Variants in ARHGAP18 observed in about 807,000 individuals in gnomAD.
ARHGAP18 encodes rho GTPase-activating protein 18.
A neutral mutation model predicts 86.2 loss-of-function variants in ARHGAP18; 67 were observed. The observed-to-expected ratio is 0.78, with a 90% CI of 0.64 to 0.95. The LOEUF (loss-of-function observed/expected upper bound fraction) is 0.95. Among genes scored for constraint, ARHGAP18 ranks in the 40% least tolerant of loss-of-function variants. ARHGAP18 has a pLI of 0.00. For synonymous variants in ARHGAP18, 283 were observed against 280.4 expected (o/e 1.01, Z -0.09); for missense variants, 691 against 780.4 (o/e 0.89, Z 1.37).
intron 7 of ARHGAP18, among the ~76,000 whole-genome samples, chr6:129,613,420 C>T (rs1443847544): frequency 6.6e-6 from 1 of 152,056 alleles, no homozygotes; most frequent in Non-Finnish European, 1.5e-5. Context: ...AGCCAATTTT[C>T]ATTTTATTTG....
chr6:129,639,096 A>G (rs554992997), intron 2 of ARHGAP18, among the ~76,000 whole-genome samples: 2 of 152,338 alleles, frequency 1.3e-5, no homozygotes, highest in East Asian at 3.9e-4. Context: ...AGTGCAGCAA[A>G]GAAGTTAACA....
intron 1 of ARHGAP18, among the ~76,000 whole-genome samples, chr6:129,655,317 C>CAAAAAAAAAAAAAA (rs55681217): frequency 8.0e-5 from 6 of 75,086 alleles, no homozygotes; most frequent in Admixed American, 1.7e-4. Context: ...AAAACTCTCT[C>CAAAAAAAAAAAAAA]AAAAAAAAAA....
chr6:129,580,731 C>T (rs1166741149), intron 13 of ARHGAP18, among the ~76,000 whole-genome samples: 8 of 151,988 alleles, frequency 5.3e-5, no homozygotes, highest in African/African-American at 1.5e-4. Context: ...AAAATTTAGC[C>T]GTGCATGGTG....
At chr6:129,666,901 T>G (rs1226368710) in intron 1 of ARHGAP18, among the ~76,000 whole-genome samples, 2 of 152,336 alleles carry the variant, frequency 1.3e-5, no homozygotes, top group East Asian at 1.9e-4. Flanking sequence ...TCCTATTCTT[T>G]GTTGATGCTT....
chr6:129,640,065 C>CAAA (rs1243715104), intron 2 of ARHGAP18, among the ~76,000 whole-genome samples: 1 of 108,472 alleles, frequency 9.2e-6, no homozygotes, highest in Non-Finnish European at 1.9e-5. Flanking sequence ...AAAAAAAAAA[C>CAAA]AAACAAAAGT....
At chr6:129,704,518 T>C (rs1774773130) in intron 1 of ARHGAP18, among the ~76,000 whole-genome samples, 1 of 151,988 alleles carries the variant, frequency 6.6e-6, no homozygotes, top group Non-Finnish European at 1.5e-5. Context: ...CTTATGCCCC[T>C]CTGCAAGTCC....
intron 4 of ARHGAP18, among the ~76,000 whole-genome samples, chr6:129,631,127 T>C (rs1264930617): frequency 6.6e-6 from 1 of 152,206 alleles, no homozygotes; most frequent in Non-Finnish European, 1.5e-5. Flanking sequence ...TTACTGTGAC[T>C]ATGTACACTG....
At chr6:129,625,941 T>C (rs1338933533) in intron 5 of ARHGAP18, among the ~76,000 whole-genome samples, 1 of 29,652 alleles carries the variant, frequency 3.4e-5, no homozygotes, top group Non-Finnish European at 8.7e-5. Context: ...TATTATATAT[T>C]ATATATTTAT....
chr6:129,692,720 A>G (rs531055552), intron 1 of ARHGAP18, among the ~76,000 whole-genome samples: 31 of 152,256 alleles, frequency 2.0e-4, no homozygotes, highest in African/African-American at 7.0e-4. Flanking sequence ...CTATTTATAA[A>G]ACAGGTCTAG....
intron 8 of ARHGAP18, among the ~76,000 whole-genome samples, chr6:129,610,126 G>T (rs1330889455): frequency 6.6e-6 from 1 of 152,172 alleles, no homozygotes; most frequent in African/African-American, 2.4e-5. Flanking sequence ...TGTGGGCAGT[G>T]GTTACTTGTG....
At chr6:129,702,020 T>C (rs1774719019) in intron 1 of ARHGAP18, among the ~76,000 whole-genome samples, 2 of 152,322 alleles carry the variant, frequency 1.3e-5, no homozygotes, top group South Asian at 2.1e-4. Flanking sequence ...CTCCTTTCCC[T>C]ATGACCCAGA....
intron 12 of ARHGAP18, 98 bp downstream of exon 12, chr6:129,599,118 T>C: frequency 9.8e-7 from 1 of 1,017,698 alleles, no homozygotes; most frequent in Non-Finnish European, 1.3e-6. Flanking sequence ...GCCTAATAAG[T>C]GGCAGAAAGT....
rs1584085253 is a variant in ARHGAP18, at chr6:129,646,642, G to A, written c.114-4624C>T. ...ATTTTTCAAATAAAAATAGTGAGAT[G>A]AGTAGCACTGTTTTATATTTTTGAA... On this transcript the variant is annotated intron_variant, in intron 1 of 14. Transcript: ENST00000368149. Among the ~76,000 whole-genome samples the A allele has an allele frequency of 2.6e-5, 4 of 152,280 alleles. No individual in the cohort carries two copies. The South Asian group carries it at 8.3e-4, about 32-fold the overall frequency.
chr6:129,607,641 T>C (rs761099822), intron 9 of ARHGAP18, among the ~76,000 whole-genome samples: 1 of 152,208 alleles, frequency 6.6e-6, no homozygotes, highest in Non-Finnish European at 1.5e-5. Flanking sequence ...CTGAAATATA[T>C]TGTATTGCTT....
chr6:129,641,798 T>G lies in ARHGAP18; in HGVS notation c.316+18A>C. ...ATACATATACAAACAACAAAAGCTTTATTTAGTTAGTTATTACCATCAGGC... is the reference window on the plus strand; with the variant it reads ...ATACATATACAAACAACAAAAGCTTGATTTAGTTAGTTATTACCATCAGGC... On this transcript the variant is annotated intron_variant, in intron 2 of 14. Transcript: ENST00000368149. 6.3e-7 allele frequency: 1 copy of G among 1,598,592 alleles called. No homozygotes were observed. Among genetic ancestry groups the G allele is most frequent in the Non-Finnish European group, 8.6e-7 (1 of 1,168,522 alleles).
intron 12 of ARHGAP18, chr6:129,598,847 G>A (rs1159102873): frequency 6.5e-6 from 1 of 153,886 alleles, no homozygotes; most frequent in East Asian, 1.9e-4. Context: ...AATGTCAGTG[G>A]TTCACATGAT....
chr6:129,658,972 ATTT>A (rs977694090), intron 1 of ARHGAP18, among the ~76,000 whole-genome samples: 1 of 151,814 alleles, frequency 6.6e-6, no homozygotes, highest in Non-Finnish European at 1.5e-5. Flanking sequence ...AAGTTATTTA[ATTT>A]TTTTTTAGTA....
At chr6:129,625,185 T>TGA (rs1562696560) in intron 5 of ARHGAP18, among the ~76,000 whole-genome samples, 9 of 85,282 alleles carry the variant, frequency 1.1e-4, no homozygotes, top group Admixed American at 3.7e-4. Context: ...ATATTATATA[T>TGA]TATATATGAT....
chr6:129,653,578 A>G (rs1773761063), intron 1 of ARHGAP18, among the ~76,000 whole-genome samples: 1 of 152,220 alleles, frequency 6.6e-6, no homozygotes, highest in South Asian at 2.1e-4. Flanking sequence ...TATGTTTTCT[A>G]CTAAATGTCT....
Sources: allele counts gnomAD v4.1 joint callset (sites outside exome capture counted in the v4.1 genomes callset), GRCh38; gene constraint gnomAD v4.1.1; transcripts MANE v1.5; gene names NCBI Gene and HGNC (gene_info 2026-07-23, HGNC 2026-07-21).